The following AADACL4 variants were observed in gnomAD, a reference collection of about 807,000 sequenced individuals.
AADACL4 encodes the protein arylacetamide deacetylase like 4, also known as arylacetamide deacetylase-like 4.
Under a neutral mutation model 14.1 loss-of-function variants are expected in AADACL4, and 9 were observed. That is an observed-to-expected ratio of 0.64 (90% CI 0.39 to 1.12). The LOEUF is 1.12. Ranked by LOEUF, AADACL4 falls within the 50% of genes most tolerant of loss-of-function variation. AADACL4 has a pLI of 0.01. For synonymous variants in AADACL4, 188 were observed against 201.6 expected, an observed-to-expected ratio of 0.93 and a Z score of 0.57; for missense variants, 531 against 516.1, an observed-to-expected ratio of 1.03 and a Z score of -0.28.
At chr1:12,650,658 G>A (rs996183584) in intron 1 of AADACL4, among the ~76,000 whole-genome samples, 2 of 151,748 alleles carry the variant, frequency 1.3e-5, no homozygotes, top group Non-Finnish European at 2.9e-5. Flanking sequence ...TCAGCCTCCC[G>A]AGTAGCTGGG....
Position 12,663,841 on chromosome 1 carries a change from C to T in AADACL4, c.449+1987C>T, listed in dbSNP as rs755834797. On this transcript the variant is annotated intron_variant, in intron 3 of 3. Transcript: ENST00000376221. ...AGGACCCTCTAAGAAGCATGTGTTT[C>T]GCCTGAGCTTAAATAGGAACCTGCT... is the stretch of plus-strand genomic sequence containing the variant. Among the ~76,000 whole-genome samples, 15 of 152,084 alleles carry T rather than the reference C, an allele frequency of 9.9e-5. No homozygotes were observed. In the East Asian group the frequency reaches 1.2e-3, roughly 12 times the overall value.
rs1303480764 is a variant in AADACL4 at position 12,666,429 on chromosome 1, T to G, written c.918T>G (p.Pro306=). The change falls in exon 4 of 4, where the codon CCT becomes CCG. Residue 306 remains proline, a synonymous_variant. Coordinates refer to ENST00000376221, the MANE Select transcript of AADACL4 (RefSeq NM_001013630.2). The part of the protein sequence containing the change: ...NRGYQPWSPG[P]FNEAAYLEAK... ...GCTACCAACCCTGGTCTCCCGGCCC[T>G]TTTAATGAAGCTGCCTATCTAGAAG... The G allele has an allele frequency of 6.2e-7, 1 of 1,614,168 alleles. No homozygotes were observed. The highest frequency in any genetic ancestry group is 8.5e-7 in the Non-Finnish European group (1 of 1,180,028).
chr1:12,654,318 A>G (rs964565244), intron 2 of AADACL4, among the ~76,000 whole-genome samples: 2 of 152,202 alleles, frequency 1.3e-5, no homozygotes, highest in Admixed American at 6.5e-5. Context: ...CAACTTCTCA[A>G]TTAGAGGTTG....
rs146132102 is a variant in AADACL4 at position 12,652,469 on chromosome 1, G to A, written c.385+1130G>A. Among the ~76,000 whole-genome samples, 533 of 152,294 alleles carry A rather than the reference G, an allele frequency of 3.5e-3. 1 individual carries two copies. Among genetic ancestry groups the A allele is most frequent in the African/African-American group, 0.012 (514 of 41,552 alleles). On this transcript the variant is annotated intron_variant, in intron 2 of 3. Coordinates refer to ENST00000376221, the MANE Select transcript of AADACL4 (RefSeq NM_001013630.2). ...GGTGGGCTGGGGGATGTCCCCAAAG[G>A]CCAGTGGCACCTCCAGCTGGTGTCC...
chr1:12,666,378 C>T lies in AADACL4; in HGVS notation c.867C>T (p.Asn289=). The change falls in exon 4 of 4, where the codon AAC becomes AAT. Residue 289 remains asparagine, a synonymous_variant. Coordinates refer to ENST00000376221, the MANE Select transcript of AADACL4 (RefSeq NM_001013630.2). ...RKYEKWLSPD[N]IPKKFKNRGY... is the part of the protein sequence containing the mutation. ...ACGAGAAGTGGCTCAGCCCTGACAA[C>T]ATCCCCAAGAAATTTAAGAACAGAG... 5.0e-6 allele frequency: 8 copies of T among 1,614,122 alleles called. No homozygotes were observed. In the South Asian group the frequency reaches 8.8e-5, roughly 18 times the overall value.
chr1:12,654,719 G>C (rs1647170459), intron 2 of AADACL4, among the ~76,000 whole-genome samples: 3 of 152,206 alleles, frequency 2.0e-5, no homozygotes, highest in Non-Finnish European at 4.4e-5. Context: ...ATGGCTGAAG[G>C]CAACCTAATC....
intron 1 of AADACL4, among the ~76,000 whole-genome samples, chr1:12,649,319 G>A (rs368449917): frequency 1.3e-5 from 2 of 152,306 alleles, no homozygotes; most frequent in South Asian, 2.1e-4. Context: ...GAAACAAAGG[G>A]AGGCATGGAG....
At chr1:12,647,841 A>G (rs1210549447) in intron 1 of AADACL4, among the ~76,000 whole-genome samples, 1 of 152,022 alleles carries the variant, frequency 6.6e-6, no homozygotes, top group Non-Finnish European at 1.5e-5. Flanking sequence ...TATTTTTTGT[A>G]GAGACCAGGT....
At chr1:12,661,085 C>T (rs1647223207) in intron 2 of AADACL4, among the ~76,000 whole-genome samples, 1 of 152,186 alleles carries the variant, frequency 6.6e-6, no homozygotes, top group Non-Finnish European at 1.5e-5. Context: ...TTGTCATCTC[C>T]CTCAAAGAGC....
intron 2 of AADACL4, among the ~76,000 whole-genome samples, chr1:12,651,871 C>T (rs1239608548): frequency 1.3e-5 from 2 of 148,380 alleles, no homozygotes; most frequent in African/African-American, 2.5e-5. Flanking sequence ...CTCTGTCGCT[C>T]AGGCTGGAGT....
At chr1:12,655,893 T>C (rs1647177098) in intron 2 of AADACL4, among the ~76,000 whole-genome samples, 1 of 152,120 alleles carries the variant, frequency 6.6e-6, no homozygotes, top group Admixed American at 6.5e-5. Flanking sequence ...CATGAAGGCC[T>C]ATATATATGG....
At chr1:12,647,579 TATGA>T (rs1333910291) in intron 1 of AADACL4, among the ~76,000 whole-genome samples, 1 of 152,204 alleles carries the variant, frequency 6.6e-6, no homozygotes, top group Non-Finnish European at 1.5e-5. Context: ...TAAAAGTTGC[TATGA>T]ATGATTTCAG....
intron 1 of AADACL4, among the ~76,000 whole-genome samples, chr1:12,649,616 G>T (rs1307163776): frequency 6.6e-6 from 1 of 152,156 alleles, no homozygotes; most frequent in Non-Finnish European, 1.5e-5. Context: ...GGAACCGATT[G>T]GGGTAGTCCG....
intron 2 of AADACL4, among the ~76,000 whole-genome samples, chr1:12,652,424 C>T (rs1180048871): frequency 6.6e-6 from 1 of 152,236 alleles, no homozygotes; most frequent in Admixed American, 6.5e-5. Flanking sequence ...ACTGTCCCTC[C>T]CCAGAGTTGT....
At chr1:12,647,181 C>A (rs148193343) in intron 1 of AADACL4, among the ~76,000 whole-genome samples, 193 of 151,808 alleles carry the variant, frequency 1.3e-3, no homozygotes, top group African/African-American at 4.0e-3. Context: ...GCAGCCTCCA[C>A]CTCCTGGGTT....
chr1:12,666,333 C>T lies in AADACL4; in HGVS notation c.822C>T (p.Pro274=). The change falls in exon 4 of 4, where the codon CCC becomes CCT. Residue 274 remains proline (P), a synonymous_variant. Coordinates refer to ENST00000376221, the MANE Select transcript of AADACL4 (RefSeq NM_001013630.2). ...RDAILNGTCV[P]PDVWRKYEKW... is the part of the protein sequence containing the mutation. ...CCATCTTGAACGGCACTTGTGTACC[C>T]CCAGACGTCTGGAGGAAGTACGAGA... The T allele has an allele frequency of 1.2e-6, 2 of 1,614,198 alleles. No individual in the cohort carries two copies. The highest frequency in any genetic ancestry group is 1.7e-6 in the Non-Finnish European group (2 of 1,180,046).
chr1:12,647,883 C>G (rs1647120989), intron 1 of AADACL4, among the ~76,000 whole-genome samples: 1 of 152,084 alleles, frequency 6.6e-6, no homozygotes. Context: ...GTCTTGAACT[C>G]CTGGGCTCAA....
chr1:12,658,701 T>G (rs533994449), intron 2 of AADACL4, among the ~76,000 whole-genome samples: 1 of 135,214 alleles, frequency 7.4e-6, no homozygotes, highest in Non-Finnish European at 1.6e-5. Context: ...TGCCCTGCCC[T>G]GCCCCCCGTG....
intron 1 of AADACL4, 138 bp downstream of exon 1, chr1:12,644,852 A>G (rs1319486483): frequency 2.0e-6 from 2 of 977,898 alleles, no homozygotes; most frequent in Admixed American, 2.4e-5. Flanking sequence ...TCTCTTCTGT[A>G]TCTGCTATTC....
Sources: allele counts gnomAD v4.1 joint callset (sites outside exome capture counted in the v4.1 genomes callset), GRCh38; gene constraint gnomAD v4.1.1; transcripts MANE v1.5; gene names NCBI Gene and HGNC (gene_info 2026-07-23, HGNC 2026-07-21).